L3MBTL3: variants seen among roughly 807,000 people sequenced by gnomAD.
L3MBTL3 encodes lethal(3)malignant brain tumor-like protein 3.
In L3MBTL3, 27 loss-of-function variants were observed where a neutral mutation model predicts 102.3. The ratio of observed to expected loss-of-function variants is 0.26; its 90% CI spans 0.19 to 0.36. The LOEUF (loss-of-function observed/expected upper bound fraction) is 0.36, where lower values mean the gene tolerates loss of function less well. Ranked by LOEUF, L3MBTL3 falls within the 10% of genes least tolerant of loss-of-function variation. The probability of loss-of-function intolerance (pLI) is 1.00; values close to 1 mark genes in which losing one functional copy is unlikely to be tolerated. For missense variants in L3MBTL3, 798 were observed against 955.3 expected (o/e 0.84, Z 2.17); for synonymous variants, 340 against 320.9 (o/e 1.06, Z -0.64).
intron 2 of L3MBTL3, among the ~76,000 whole-genome samples, chr6:130,030,626 C>G (rs1779654082): frequency 6.7e-6 from 1 of 148,166 alleles, no homozygotes; most frequent in African/African-American, 2.5e-5. Flanking sequence ...GAAATCTTGC[C>G]CCTGCATTCT....
chr6:130,069,676 C>T (rs1242001977), intron 12 of L3MBTL3, among the ~76,000 whole-genome samples: 1 of 152,208 alleles, frequency 6.6e-6, no homozygotes, highest in Non-Finnish European at 1.5e-5. Flanking sequence ...GCTGTCTCTG[C>T]TCCAAGTTTC....
chr6:130,139,800 G>A lies in L3MBTL3; in HGVS notation c.*47G>A, dbSNP rs749247908. 1.3e-6 allele frequency: 2 copies of A among 1,585,976 alleles called. No homozygotes were observed. Among genetic ancestry groups the A allele is most frequent in the Non-Finnish European group, 1.7e-6 (2 of 1,160,946 alleles). On this transcript the variant is annotated 3_prime_UTR_variant, in exon 23 of 23. Coordinates refer to ENST00000361794, the MANE Select transcript of L3MBTL3 (RefSeq NM_032438.4). ...ATCAGCATTCTGCTTTAAAGCTCAT[G>A]TTTTATTCAAAGCACAAGGACGGTT...
At chr6:130,042,659 T>G in intron 2 of L3MBTL3, 26 bp from the exon 3 acceptor site, 2 of 1,278,544 alleles carry the variant, frequency 1.6e-6, no homozygotes, top group Non-Finnish European at 2.3e-6. Flanking sequence ...GAATATTTAG[T>G]GATATGCCTT....
intron 8 of L3MBTL3, among the ~76,000 whole-genome samples, chr6:130,055,836 G>A (rs1015834431): frequency 1.3e-5 from 2 of 151,046 alleles, no homozygotes; most frequent in Admixed American, 1.3e-4. Flanking sequence ...AGCTCCTGGC[G>A]TGGAACCTGT....
intron 9 of L3MBTL3, among the ~76,000 whole-genome samples, chr6:130,059,534 A>T (rs908000760): frequency 6.6e-6 from 1 of 152,202 alleles, no homozygotes; most frequent in South Asian, 2.1e-4. Context: ...AATCTTCTAT[A>T]CCAGTCATTT....
At chr6:130,112,666 C>A (rs938461908) in intron 19 of L3MBTL3, among the ~76,000 whole-genome samples, 5 of 152,038 alleles carry the variant, frequency 3.3e-5, no homozygotes, top group African/African-American at 9.7e-5. Flanking sequence ...ACATTTGTAC[C>A]CTAGGATTCA....
At chr6:130,139,431 G>T (rs1228970156) in intron 22 of L3MBTL3, among the ~76,000 whole-genome samples, 179 bp from the exon 23 acceptor site, 2 of 152,152 alleles carry the variant, frequency 1.3e-5, no homozygotes, top group Non-Finnish European at 2.9e-5. Flanking sequence ...GTCCACTTTG[G>T]GATGTGTCAT....
At chr6:130,039,373 C>T (rs1780272703) in intron 2 of L3MBTL3, among the ~76,000 whole-genome samples, 1 of 152,100 alleles carries the variant, frequency 6.6e-6, no homozygotes, top group African/African-American at 2.4e-5. Flanking sequence ...GGCATTCATA[C>T]TTTCCTTCCT....
intron 18 of L3MBTL3, among the ~76,000 whole-genome samples, chr6:130,096,515 A>G (rs1784375488): frequency 6.6e-6 from 1 of 152,154 alleles, no homozygotes; most frequent in Non-Finnish European, 1.5e-5. Flanking sequence ...GGTCTTCTGG[A>G]AGGAAGACAC....
intron 13 of L3MBTL3, among the ~76,000 whole-genome samples, chr6:130,074,956 T>G (rs1469970919): frequency 2.0e-5 from 3 of 152,200 alleles, no homozygotes; most frequent in Non-Finnish European, 4.4e-5. Context: ...CTCTTTTACA[T>G]TTACAGATTA....
At position 130,066,483 on chromosome 6, in the gene L3MBTL3, C is replaced by G; in HGVS notation, c.995C>G (p.Pro332Arg). The G allele has an allele frequency of 6.2e-7, 1 of 1,608,536 alleles. No individual in the cohort carries two copies. The highest frequency in any genetic ancestry group is 8.5e-7 in the Non-Finnish European group (1 of 1,177,840). Reference sequence around the variant, plus strand: ...AAAACCGGCCACAAACTCCATCCTCCAAAAGGTTTTGTCACTTTTTGTTTG... The same window carrying G: ...AAAACCGGCCACAAACTCCATCCTCGAAAAGGTTTTGTCACTTTTTGTTTG... ...CEKTGHKLHP[P>R]KGYKEEEFNW... is the part of the protein sequence containing the mutation. The change falls in exon 11 of 23, where the codon CCA becomes CGA. Residue 332 changes from proline to arginine, a missense_variant. By Grantham distance (103) the Pro-to-Arg change is moderately radical. This residue lies in a region of L3MBTL3 where 434 missense variants were observed against 506.6 expected (regional missense o/e 0.86). Transcript: ENST00000361794.
chr6:130,109,056 A>G (rs967906870), intron 19 of L3MBTL3, among the ~76,000 whole-genome samples: 8 of 152,166 alleles, frequency 5.3e-5, no homozygotes, highest in Admixed American at 3.9e-4. Context: ...TTATGGCTGC[A>G]TAGCATTTCA....
chr6:130,139,830 C>A lies in L3MBTL3; in HGVS notation c.*77C>A, dbSNP rs1788110910. ...ATTCAAAGCACAAGGACGGTTATAA[C>A]TCCTAAGTGAGAAGTCTCCAAAACT... On this transcript the variant is annotated 3_prime_UTR_variant, in exon 23 of 23. Transcript: ENST00000361794. 7.2e-7 allele frequency: 1 copy of A among 1,386,338 alleles called. No individual in the cohort carries two copies. Among genetic ancestry groups the A allele is most frequent in the Non-Finnish European group, 1.0e-6 (1 of 998,096 alleles). 85.9% of individuals were successfully genotyped at this position (1,386,338 alleles called of 1,614,324 possible). A position where few individuals can be genotyped will look rare whatever the true frequency, so the allele number is the denominator to read the frequency against.
intron 20 of L3MBTL3, among the ~76,000 whole-genome samples, chr6:130,132,041 C>G (rs1290414206): frequency 6.6e-6 from 1 of 152,182 alleles, no homozygotes; most frequent in African/African-American, 2.4e-5. Flanking sequence ...GTTCAAACGC[C>G]TCTGACAAAA....
chr6:130,133,936 C>G lies in L3MBTL3; in HGVS notation c.2199+31C>G, dbSNP rs573530415. ...TATTCCACTAAATTGCAATATGTTACTTAATGGGATCAAAGCACTGAAATG... is the reference window on the plus strand; with the variant it reads ...TATTCCACTAAATTGCAATATGTTAGTTAATGGGATCAAAGCACTGAAATG... On this transcript the variant is annotated intron_variant, in intron 22 of 22. Coordinates refer to ENST00000361794, the MANE Select transcript of L3MBTL3 (RefSeq NM_032438.4). The surrounding 1 kb of genome is among the most constrained non-coding windows in gnomAD (Gnocchi z 4.9). The G allele has an allele frequency of 2.6e-6, 4 of 1,525,456 alleles. No homozygotes were observed. The African/African-American group carries it at 4.1e-5, about 16-fold the overall frequency. The allele number at this position is 1,525,456 out of a possible 1,614,324, so 94.5% of individuals were successfully genotyped here.
chr6:130,099,044 G>T (rs1002635621), intron 18 of L3MBTL3, among the ~76,000 whole-genome samples: 1 of 151,816 alleles, frequency 6.6e-6, no homozygotes, highest in African/African-American at 2.4e-5. Flanking sequence ...TTTTTAAGGT[G>T]GCATTGGAGA....
chr6:130,072,223 AAAT>A (rs1250630794), intron 13 of L3MBTL3, among the ~76,000 whole-genome samples: 2 of 152,156 alleles, frequency 1.3e-5, no homozygotes, highest in Admixed American at 1.3e-4. Flanking sequence ...ATAACTACGT[AAAT>A]AATTGTATAA....
intron 14 of L3MBTL3, among the ~76,000 whole-genome samples, chr6:130,080,618 C>A (rs1176433252): frequency 6.6e-6 from 1 of 151,790 alleles, no homozygotes; most frequent in African/African-American, 2.4e-5. Flanking sequence ...GGCAAAGAAC[C>A]AAGCCATCTA....
chr6:130,116,741 G>C (rs1167145127), intron 19 of L3MBTL3, among the ~76,000 whole-genome samples: 1 of 151,636 alleles, frequency 6.6e-6, no homozygotes, highest in Non-Finnish European at 1.5e-5. Flanking sequence ...AGTGGAGTGA[G>C]ATCTATCTCT....
Sources: allele counts gnomAD v4.1 joint callset (sites outside exome capture counted in the v4.1 genomes callset), GRCh38; gene constraint gnomAD v4.1.1; regional missense constraint gnomAD v4.1.1; non-coding constraint Gnocchi (gnomAD v3.1); transcripts MANE v1.5; gene names NCBI Gene and HGNC (gene_info 2026-07-23, HGNC 2026-07-21).